PCSK5: variants seen among roughly 807,000 people sequenced by gnomAD.
PCSK5 encodes the protein prohormone convertase 5.
In PCSK5, 129 loss-of-function variants were observed where a neutral mutation model predicts 233.2. That is an observed-to-expected ratio of 0.55 (90% CI 0.48 to 0.64). The LOEUF (loss-of-function observed/expected upper bound fraction) is 0.64. Ranked by LOEUF, PCSK5 falls within the 30% of genes least tolerant of loss-of-function variation. The pLI is 0.00. For synonymous variants in PCSK5, 825 were observed against 879.2 expected (o/e 0.94, Z 1.09); for missense variants, 2,076 against 2,430.1 (o/e 0.85, Z 3.06).
At chr9:76,345,999 C>T (rs1829970830) in intron 35 of PCSK5, among the ~76,000 whole-genome samples, 1 of 152,270 alleles carries the variant, frequency 6.6e-6, no homozygotes, top group East Asian at 1.9e-4. Context: ...GGATTACAGG[C>T]GTGGACCACC....
rs559236259 is a variant in PCSK5 at position 75,917,346 on chromosome 9, T to A, written c.193-15033T>A. ...CACGTATGATGCTGAAACACACAGA[T>A]AATCCAGAACACTTTGCATTTTTAT... On this transcript the variant is annotated intron_variant, in intron 1 of 37. Coordinates refer to ENST00000674117, the MANE Select transcript of PCSK5 (RefSeq NM_001372043.1). 3.7e-3 allele frequency among the ~76,000 whole-genome samples: 559 copies of A among 152,314 alleles called. 2 individuals are homozygous for A. The highest frequency in any genetic ancestry group is 4.1e-3 in the Non-Finnish European group (276 of 68,028).
chr9:76,141,496 TAAA>T (rs756922528), intron 10 of PCSK5, among the ~76,000 whole-genome samples: 1 of 152,094 alleles, frequency 6.6e-6, no homozygotes. Context: ...TTACATACAA[TAAA>T]AAAGCACATT....
intron 9 of PCSK5, among the ~76,000 whole-genome samples, chr9:76,113,742 AT>A (rs2131697350): frequency 6.6e-6 from 1 of 152,276 alleles, no homozygotes; most frequent in East Asian, 1.9e-4. Flanking sequence ...TAGTACTGAT[AT>A]CCTGTAAACT....
intron 24 of PCSK5, among the ~76,000 whole-genome samples, chr9:76,272,074 A>G (rs1290730867): frequency 6.6e-6 from 1 of 152,236 alleles, no homozygotes; most frequent in Non-Finnish European, 1.5e-5. Context: ...CTATGTACTT[A>G]GAGTACTAAG....
At chr9:76,294,895 G>A (rs1276115561) in intron 25 of PCSK5, among the ~76,000 whole-genome samples, 3 of 152,108 alleles carry the variant, frequency 2.0e-5, no homozygotes, top group South Asian at 2.1e-4. Flanking sequence ...GCTCATGCCT[G>A]TAATTCCAAC....
intron 32 of PCSK5, among the ~76,000 whole-genome samples, chr9:76,325,133 C>A (rs1043749614): frequency 6.6e-6 from 1 of 152,038 alleles, no homozygotes; most frequent in Non-Finnish European, 1.5e-5. Flanking sequence ...AGGCTGTGTC[C>A]GCATGCAGAA....
intron 36 of PCSK5, among the ~76,000 whole-genome samples, chr9:76,351,218 T>G (rs1250382908): frequency 6.6e-6 from 1 of 151,944 alleles, no homozygotes; most frequent in Admixed American, 6.6e-5. Flanking sequence ...ACCATAGAAG[T>G]TTCAGTCAAC....
chr9:76,107,449 A>G, intron 9 of PCSK5, 98 bp downstream of exon 9: 1 of 623,936 alleles, frequency 1.6e-6, no homozygotes, highest in Non-Finnish European at 2.7e-6. Context: ...ATGACAACCT[A>G]GAATATAATC....
intron 35 of PCSK5, among the ~76,000 whole-genome samples, chr9:76,345,182 ATTATT>A (rs59974258): frequency 8.7e-4 from 132 of 150,900 alleles, no homozygotes; most frequent in South Asian, 6.5e-3. Context: ...ATTTTATTTT[ATTATT>A]TTATTTTATT....
chr9:76,241,391 A>G (rs1826427386), intron 24 of PCSK5, among the ~76,000 whole-genome samples: 1 of 152,192 alleles, frequency 6.6e-6, no homozygotes, highest in African/African-American at 2.4e-5. Flanking sequence ...GCAGTGAGCC[A>G]AGATCGTGCC....
In PCSK5 at chr9:76,166,928, T is replaced by C. The variant is rs1823109917; in HGVS notation, c.1620-2776T>C. Among the ~76,000 whole-genome samples the C allele has an allele frequency of 2.0e-5, 3 of 152,240 alleles. No individual in the cohort carries two copies. The South Asian group carries it at 6.2e-4, about 31-fold the overall frequency. ...CCAACATACACATGTTGTGGGTTTT[T>C]AGTGAGGGATTCAATGGATGTAAGT... On this transcript the variant is annotated intron_variant, in intron 12 of 37. Transcript: ENST00000674117.
intron 1 of PCSK5, among the ~76,000 whole-genome samples, chr9:75,902,155 G>A (rs1826063574): frequency 7.1e-6 from 1 of 141,650 alleles, no homozygotes; most frequent in Non-Finnish European, 1.5e-5. Context: ...GGTGGAGGTT[G>A]CAGTGAGCCA....
intron 2 of PCSK5, among the ~76,000 whole-genome samples, chr9:75,942,808 T>C (rs1271429492): frequency 6.6e-6 from 1 of 152,106 alleles, no homozygotes; most frequent in Non-Finnish European, 1.5e-5. Flanking sequence ...ATAATCTCTT[T>C]AGCCACTTGA....
At chr9:75,979,459 T>C (rs1826176663) in intron 2 of PCSK5, among the ~76,000 whole-genome samples, 2 of 152,190 alleles carry the variant, frequency 1.3e-5, no homozygotes, top group Non-Finnish European at 2.9e-5. Context: ...ATCCCCCTTC[T>C]AGATTATATT....
intron 1 of PCSK5, among the ~76,000 whole-genome samples, chr9:75,918,182 G>T (rs143845601): frequency 4.9e-4 from 74 of 152,260 alleles, no homozygotes; most frequent in African/African-American, 1.5e-3. Flanking sequence ...CGTTATAAAA[G>T]AATACAAATT....
intron 24 of PCSK5, among the ~76,000 whole-genome samples, chr9:76,266,134 G>A (rs1007749505): frequency 6.6e-6 from 1 of 152,146 alleles, no homozygotes; most frequent in Non-Finnish European, 1.5e-5. Context: ...GTAAGCACTG[G>A]TTAAAGAAAG....
At chr9:76,227,469 G>A in intron 20 of PCSK5, 34 bp from the exon 21 acceptor site, 1 of 1,482,316 alleles carries the variant, frequency 6.7e-7, no homozygotes, top group Non-Finnish European at 9.3e-7. Flanking sequence ...TTGCCATGTA[G>A]AAATGAAATA....
At chr9:75,996,206 A>G (rs1441365262) in intron 3 of PCSK5, among the ~76,000 whole-genome samples, 5 of 152,232 alleles carry the variant, frequency 3.3e-5, no homozygotes, top group Non-Finnish European at 5.9e-5. Context: ...GGGAATCCCA[A>G]CTGAATTAAA....
At chr9:76,105,923 G>T (rs1831960555) in intron 8 of PCSK5, among the ~76,000 whole-genome samples, 1 of 152,166 alleles carries the variant, frequency 6.6e-6, no homozygotes, top group African/African-American at 2.4e-5. Flanking sequence ...ATCCATGAGA[G>T]GTCATAAAAG....
Sources: gnomAD v4.1 joint callset for allele counts (sites outside exome capture counted in the v4.1 genomes callset) on GRCh38, gnomAD v4.1.1 for gene constraint, MANE v1.5 for transcripts, NCBI Gene and HGNC (gene_info 2026-07-23, HGNC 2026-07-21) for gene names.